Variants in PATJ observed in about 807,000 individuals in gnomAD.
The protein encoded by PATJ is PATJ crumbs cell polarity complex component, also known as inaD-like protein.
A neutral mutation model predicts 224.9 loss-of-function variants in PATJ; 190 were observed. The observed-to-expected ratio is 0.84, with a 90% CI of 0.75 to 0.95. The LOEUF (loss-of-function observed/expected upper bound fraction) is 0.95. Ranked by LOEUF, PATJ falls within the 40% of genes least tolerant of loss-of-function variation. PATJ has a pLI of 0.00. For synonymous variants in PATJ, 769 were observed against 820.3 expected, an observed-to-expected ratio of 0.94 and a Z score of 1.07; for missense variants, 2,121 against 2,270.3, an observed-to-expected ratio of 0.93 and a Z score of 1.34.
intron 30 of PATJ, chr1:62,038,735 G>T: frequency 2.5e-6 from 1 of 393,644 alleles, no homozygotes; most frequent in Non-Finnish European, 4.8e-6. Context: ...AACATAAATA[G>T]CTATATATAG....
chr1:61,958,971 G>T (rs1385964221), intron 27 of PATJ, among the ~76,000 whole-genome samples: 1 of 152,136 alleles, frequency 6.6e-6, no homozygotes, highest in Non-Finnish European at 1.5e-5. Context: ...TGAGCCTTTA[G>T]CCTGGAATCT....
intron 34 of PATJ, 69 bp downstream of exon 34, chr1:62,108,589 TG>T: frequency 1.1e-6 from 1 of 888,104 alleles, no homozygotes; most frequent in South Asian, 1.7e-5. Flanking sequence ...TCCATAAAGT[TG>T]TCTTTCTACT....
intron 27 of PATJ, among the ~76,000 whole-genome samples, chr1:61,950,717 T>G (rs187518092): frequency 6.6e-6 from 1 of 152,322 alleles, no homozygotes; most frequent in East Asian, 1.9e-4. Context: ...CTTTTTTTTG[T>G]TTTTTGTTTG....
At chr1:61,979,892 C>T (rs941430035) in intron 27 of PATJ, among the ~76,000 whole-genome samples, 4 of 151,852 alleles carry the variant, frequency 2.6e-5, no homozygotes, top group African/African-American at 9.7e-5. Context: ...TCTCTGTGTC[C>T]CTGTGTCTTC....
chr1:61,871,425 A>ACG (rs1666429366), intron 20 of PATJ, among the ~76,000 whole-genome samples: 1 of 46,924 alleles, frequency 2.1e-5, no homozygotes, highest in African/African-American at 7.6e-5. Context: ...ATATATATGT[A>ACG]CATATATATG....
intron 24 of PATJ, among the ~76,000 whole-genome samples, chr1:61,903,911 T>A (rs917095193): frequency 2.6e-5 from 4 of 151,922 alleles, no homozygotes; most frequent in African/African-American, 9.7e-5. Context: ...TAGCTAGGAT[T>A]ACAGGCACCC....
intron 9 of PATJ, among the ~76,000 whole-genome samples, chr1:61,794,658 T>C (rs539876506): frequency 6.6e-6 from 1 of 152,238 alleles, no homozygotes; most frequent in East Asian, 1.9e-4. Context: ...GAGCTCATAC[T>C]AATTTGTTGT....
chr1:62,141,049 C>T (rs1440406184), intron 41 of PATJ, among the ~76,000 whole-genome samples: 1 of 151,858 alleles, frequency 6.6e-6, no homozygotes, highest in African/African-American at 2.4e-5. Flanking sequence ...TGAAGTACCC[C>T]GGAGAGTGAA....
intron 27 of PATJ, among the ~76,000 whole-genome samples, chr1:61,938,489 T>G (rs1677238374): frequency 6.6e-6 from 1 of 152,188 alleles, no homozygotes. Context: ...TCATGTAATA[T>G]TTTCATGTAA....
chr1:61,934,228 C>T (rs1233003960), intron 27 of PATJ, among the ~76,000 whole-genome samples: 3 of 152,242 alleles, frequency 2.0e-5, no homozygotes, highest in Non-Finnish European at 4.4e-5. Flanking sequence ...AAGTGATTCT[C>T]CTGCCTCAGC....
intron 20 of PATJ, among the ~76,000 whole-genome samples, chr1:61,872,299 C>T (rs1294602386): frequency 9.9e-5 from 15 of 152,116 alleles, no homozygotes; most frequent in Admixed American, 9.8e-4. Flanking sequence ...GTTCCTTAGG[C>T]TCCATTAGTT....
chr1:61,746,379 G>C (rs761693284), intron 1 of PATJ, among the ~76,000 whole-genome samples: 1 of 152,220 alleles, frequency 6.6e-6, no homozygotes, highest in Non-Finnish European at 1.5e-5. Flanking sequence ...TTCTGGCCCA[G>C]AGAATTTCTT....
intron 17 of PATJ, among the ~76,000 whole-genome samples, chr1:61,851,643 G>A (rs1000052943): frequency 2.6e-5 from 4 of 152,036 alleles, no homozygotes; most frequent in Non-Finnish European, 5.9e-5. Context: ...AAGCAGAGGA[G>A]GAATTATGAT....
chr1:61,841,760 A>T (rs114958151), intron 17 of PATJ, among the ~76,000 whole-genome samples: 106 of 152,266 alleles, frequency 7.0e-4, no homozygotes, highest in African/African-American at 2.5e-3. Context: ...TTTAAAGGTC[A>T]CTTTTTGCTT....
intron 27 of PATJ, among the ~76,000 whole-genome samples, chr1:61,986,200 G>A (rs984360363): frequency 2.0e-5 from 3 of 151,960 alleles, no homozygotes; most frequent in Non-Finnish European, 4.4e-5. Flanking sequence ...ATGAAACACC[G>A]TGCCCAGCCT....
intron 38 of PATJ, among the ~76,000 whole-genome samples, chr1:62,122,385 A>C (rs951482865): frequency 1.4e-5 from 2 of 145,414 alleles, no homozygotes; most frequent in African/African-American, 5.3e-5. Context: ...AAAAAAAAAA[A>C]CCACACACAC....
intron 27 of PATJ, among the ~76,000 whole-genome samples, chr1:61,965,684 G>A (rs933040488): frequency 3.9e-5 from 6 of 152,144 alleles, no homozygotes; most frequent in Non-Finnish European, 8.8e-5. Context: ...ACCCAAATGC[G>A]AGTGGCAAAA....
In PATJ at chr1:62,108,443, A is replaced by G. The variant is rs1663375735; in HGVS notation, c.4384A>G (p.Ile1462Val). 3.7e-6 allele frequency: 6 copies of G among 1,603,994 alleles called. No individual in the cohort carries two copies. The highest frequency in any genetic ancestry group is 1.3e-5 in the African/African-American group (1 of 74,762). ...AAGATTTTATTTTTTATAGAATGCT[A>G]TAGTTATCCATGAAGTCTATGAAGA... The part of the protein sequence containing the change: ...VGGKDTPLNA[I>V]VIHEVYEEGA... The change falls in exon 34 of 44, where the codon ATA becomes GTA. Residue 1462 changes from isoleucine (I) to valine (V), a missense_variant. By Grantham distance (29) the Ile-to-Val change is conservative. Transcript: ENST00000642238.
chr1:61,822,522 G>C lies in PATJ; in HGVS notation c.1684-423G>C, dbSNP rs577748119. Among the ~76,000 whole-genome samples, 6 of 152,180 alleles carry C rather than the reference G, an allele frequency of 3.9e-5. No homozygotes were observed. The East Asian group carries it at 9.6e-4, about 24-fold the overall frequency. On this transcript the variant is annotated intron_variant, in intron 14 of 43. Transcript: ENST00000642238. ...GTACAGAGGGCAGTCTTGAACCCCAGATGGAGGCTCATGAACTCAGGGCTT... is the reference window on the plus strand; with the variant it reads ...GTACAGAGGGCAGTCTTGAACCCCACATGGAGGCTCATGAACTCAGGGCTT...
Sources: gnomAD v4.1 joint callset for allele counts (sites outside exome capture counted in the v4.1 genomes callset) on GRCh38, gnomAD v4.1.1 for gene constraint, MANE v1.5 for transcripts, NCBI Gene and HGNC (gene_info 2026-07-23, HGNC 2026-07-21) for gene names.